ERAP1: variants seen among roughly 807,000 people sequenced by gnomAD.
The protein encoded by ERAP1 is adipocyte-derived leucine aminopeptidase.
ERAP1 carries 86 observed loss-of-function variants against 103.7 expected under a neutral mutation model. That is an observed-to-expected ratio of 0.83 (90% CI 0.70 to 0.99). The LOEUF is 0.99. ERAP1 is among the 50% of genes least tolerant of loss of function. The pLI is 0.00. For missense variants in ERAP1, 1,009 were observed against 1,128.4 expected (o/e 0.89, Z 1.52); for synonymous variants, 398 against 402.4 (o/e 0.99, Z 0.13).
chr5:96,763,152 T>C (rs759703583), exon 20 of ERAP1: 4 of 780,478 alleles, frequency 5.1e-6, no homozygotes, highest in South Asian at 4.0e-5. Context: ...CCGTTTGATG[T>C]AGCATCAAAG....
the ERAP1 span, among the ~76,000 whole-genome samples, chr5:96,877,795 C>CTTGGAACACT: frequency 6.6e-6 from 1 of 152,110 alleles, no homozygotes; most frequent in Non-Finnish European, 1.5e-5. Context: ...ATCAGACGTT[C>CTTGGAACACT]TTGGAACACT....
chr5:96,810,103 C>A (rs953577995), upstream of ERAP1, among the ~76,000 whole-genome samples: 18 of 152,218 alleles, frequency 1.2e-4, no homozygotes, highest in African/African-American at 2.2e-4. Flanking sequence ...CAAAAGCTCA[C>A]CCTGACTCAG....
the ERAP1 span, among the ~76,000 whole-genome samples, chr5:96,916,247 CA>C: frequency 7.8e-3 from 394 of 50,602 alleles, 6 homozygotes; most frequent in Admixed American, 0.055. Context: ...AAAACAAAAA[CA>C]AAAAACAACA....
At chr5:96,762,408 T>C (rs757834952) in exon 20 of ERAP1, 19 of 1,452,012 alleles carry the variant, frequency 1.3e-5, no homozygotes, top group Non-Finnish European at 1.8e-5. Flanking sequence ...ATAAATGTTT[T>C]TGCGCAGCCA....
chr5:96,883,667 A>G, the ERAP1 span: 7 of 924,028 alleles, frequency 7.6e-6, no homozygotes, highest in Non-Finnish European at 1.1e-5. Flanking sequence ...AGATTCACAA[A>G]GATTGCAGTT....
chr5:96,834,706 A>C, the ERAP1 span, among the ~76,000 whole-genome samples: 1 of 152,342 alleles, frequency 6.6e-6, no homozygotes, highest in East Asian at 1.9e-4. Context: ...AAACATACAC[A>C]ATAAACCTGT....
chr5:96,915,756 A>G, the ERAP1 span: 4 of 1,602,110 alleles, frequency 2.5e-6, no homozygotes, highest in South Asian at 1.1e-5. Context: ...TCTTCCAAGG[A>G]TAAGTTGCAA....
chr5:96,868,496 A>G, the ERAP1 span, among the ~76,000 whole-genome samples: 1 of 152,186 alleles, frequency 6.6e-6, no homozygotes, highest in Non-Finnish European at 1.5e-5. Flanking sequence ...TTTTCCCAAC[A>G]TTTGATAAAT....
At chr5:96,781,246 CA>C in intron 16 of ERAP1, 48 bp from the exon 17 acceptor site, 5 of 1,574,764 alleles carry the variant, frequency 3.2e-6, no homozygotes, top group Non-Finnish European at 4.4e-6. Flanking sequence ...GGTGATGAAA[CA>C]GTTATGAATC....
chr5:96,915,845 T>G, the ERAP1 span: 4 of 1,279,892 alleles, frequency 3.1e-6, no homozygotes, highest in Non-Finnish European at 4.4e-6. Context: ...TTAGATATAA[T>G]CTGATTTGAA....
chr5:96,832,473 C>T, the ERAP1 span, among the ~76,000 whole-genome samples: 3 of 152,102 alleles, frequency 2.0e-5, no homozygotes, highest in Admixed American at 6.5e-5. Flanking sequence ...ATAATAGCTG[C>T]AAAAGACTGA....
At chr5:96,837,379 T>C in the ERAP1 span, among the ~76,000 whole-genome samples, 4 of 152,216 alleles carry the variant, frequency 2.6e-5, no homozygotes, top group South Asian at 2.1e-4. Flanking sequence ...TCAGTAGTTA[T>C]ATGTTAATGA....
the ERAP1 span, among the ~76,000 whole-genome samples, chr5:96,835,982 C>T: frequency 6.6e-5 from 10 of 152,176 alleles, no homozygotes; most frequent in Non-Finnish European, 1.2e-4. Context: ...CTCCGTTTCA[C>T]CTTTGCTTTC....
At chr5:96,874,174 G>GAAAGAA in the ERAP1 span, among the ~76,000 whole-genome samples, 16 of 91,726 alleles carry the variant, frequency 1.7e-4, no homozygotes, top group Non-Finnish European at 3.2e-4. Flanking sequence ...AAGAAAGAAA[G>GAAAGAA]AAAGAAAGAG....
chr5:96,885,094 T>G, the ERAP1 span, among the ~76,000 whole-genome samples: 1 of 152,234 alleles, frequency 6.6e-6, no homozygotes, highest in African/African-American at 2.4e-5. Context: ...ATCGTCTTCA[T>G]CTGGTGGGGA....
chr5:96,783,366 T>G (rs1187829841), intron 14 of ERAP1, 131 bp from the exon 15 acceptor site: 1 of 723,194 alleles, frequency 1.4e-6, no homozygotes, highest in Non-Finnish European at 2.2e-6. Flanking sequence ...GTATAAATCA[T>G]GCAGCACTGT....
the ERAP1 span, among the ~76,000 whole-genome samples, chr5:96,835,221 T>C: frequency 2.6e-5 from 4 of 152,204 alleles, no homozygotes; most frequent in Non-Finnish European, 4.4e-5. Context: ...AAAAGGATAA[T>C]TGGAGTTGTC....
At chr5:96,857,808 G>T in the ERAP1 span, among the ~76,000 whole-genome samples, 1,188 of 152,312 alleles carry the variant, frequency 7.8e-3, 18 homozygotes, top group African/African-American at 0.027. Flanking sequence ...TACAGATTGG[G>T]TGAGAAAACC....
At chr5:96,778,788 AT>A (rs1774725876) in intron 18 of ERAP1, among the ~76,000 whole-genome samples, 1 of 152,198 alleles carries the variant, frequency 6.6e-6, no homozygotes, top group South Asian at 2.1e-4. Flanking sequence ...AAAGGATTGA[AT>A]GGGGGTAAGA....
Sources: allele counts gnomAD v4.1 joint callset (sites outside exome capture counted in the v4.1 genomes callset), GRCh38; gene constraint gnomAD v4.1.1; transcripts MANE v1.5; gene names NCBI Gene and HGNC (gene_info 2026-07-23, HGNC 2026-07-21).